KCNJ16: variants seen among roughly 807,000 people sequenced by gnomAD.
The protein encoded by KCNJ16 is inward rectifier potassium channel 16.
A neutral mutation model predicts 18.5 loss-of-function variants in KCNJ16; 15 were observed. The ratio of observed to expected loss-of-function variants is 0.81; its 90% confidence interval spans 0.54 to 1.25. The LOEUF (loss-of-function observed/expected upper bound fraction) is 1.25, where lower values mean the gene tolerates loss of function less well. Among genes scored for constraint, KCNJ16 ranks in the 50% most tolerant of loss-of-function variants. The pLI is 0.00. For synonymous variants in KCNJ16, 174 were observed against 186.5 expected (o/e 0.93, Z 0.55); for missense variants, 523 against 525.7 (o/e 0.99, Z 0.05).
chr17:70,122,091 C>T (rs1472152584), intron 2 of KCNJ16, among the ~76,000 whole-genome samples: 2 of 151,932 alleles, frequency 1.3e-5, no homozygotes, highest in Non-Finnish European at 2.9e-5. Context: ...TTAATATCTA[C>T]TTAGAAGTGA....
rs538074149 is a variant in KCNJ16 at position 70,085,097 on chromosome 17, T to C, written c.-300+9707T>C. On this transcript the variant is annotated intron_variant, in intron 1 of 3. Transcript: ENST00000392671. Reference sequence around the variant, plus strand: ...AATGACAGGTGAGCTCATCATCTTGTTAAAGGGTTTATTTCCACATCTCAA... The same window carrying C: ...AATGACAGGTGAGCTCATCATCTTGCTAAAGGGTTTATTTCCACATCTCAA... Among the ~76,000 whole-genome samples, 3 of 152,332 alleles carry C rather than the reference T, an allele frequency of 2.0e-5. No individual in the cohort carries two copies. In the East Asian group the frequency reaches 5.8e-4, roughly 29 times the overall value.
At chr17:70,092,099 G>T (rs1198209125) in intron 1 of KCNJ16, among the ~76,000 whole-genome samples, 1 of 152,244 alleles carries the variant, frequency 6.6e-6, no homozygotes, top group Non-Finnish European at 1.5e-5. Context: ...ATGAACCATA[G>T]CAAGTTCCTA....
At chr17:70,122,737 A>G (rs1286945046) in intron 2 of KCNJ16, among the ~76,000 whole-genome samples, 1 of 152,116 alleles carries the variant, frequency 6.6e-6, no homozygotes, top group Non-Finnish European at 1.5e-5. Flanking sequence ...CAACACCTAG[A>G]TGTACACCAC....
Position 70,132,337 on chromosome 17 carries a change from T to C in KCNJ16, c.250T>C (p.Ser84Pro). The C allele has an allele frequency of 6.2e-7, 1 of 1,614,218 alleles. No individual in the cohort carries two copies. The highest frequency in any genetic ancestry group is 8.5e-7 in the Non-Finnish European group (1 of 1,180,030). The change falls in exon 4 of 4, where the codon TCG (serine) becomes CCG (proline). Residue 84 changes from serine (S) to proline (P), a missense_variant. Physicochemically the swap from Ser to Pro is moderately conservative, Grantham distance 74 (BLOSUM62 -1). Transcript: ENST00000392671. ...FVIFSLSYIL[S>P]WLIFGSVFWL... ...GATATTTTCTTTATCTTATATTCTC[T>C]CGTGGTTGATATTTGGCTCTGTCTT...
intron 1 of KCNJ16, among the ~76,000 whole-genome samples, chr17:70,089,227 T>C (rs969429854): frequency 6.6e-6 from 1 of 152,186 alleles, no homozygotes; most frequent in Non-Finnish European, 1.5e-5. Context: ...CCAGGTACCA[T>C]GCCGTATGCT....
chr17:70,118,166 G>A (rs2073485359), intron 2 of KCNJ16, among the ~76,000 whole-genome samples: 1 of 151,934 alleles, frequency 6.6e-6, no homozygotes, highest in Non-Finnish European at 1.5e-5. Flanking sequence ...TCTGAGACTG[G>A]GTAATTTAAA....
chr17:70,133,376 A>G lies in KCNJ16; in HGVS notation c.*32A>G. ...ATTGCAATTATGAGGGCTACCACTG[A>G]ATCATTTTATCTTTCAGCCAATCAA... is the stretch of plus-strand genomic sequence containing the variant. On this transcript the variant is annotated 3_prime_UTR_variant, in exon 4 of 4. Transcript: ENST00000392671. The G allele has an allele frequency of 6.4e-7, 1 of 1,559,854 alleles. No homozygotes were observed. Among genetic ancestry groups the G allele is most frequent in the Non-Finnish European group, 8.7e-7 (1 of 1,146,976 alleles).
chr17:70,093,121 G>C (rs1356556369), intron 1 of KCNJ16, among the ~76,000 whole-genome samples: 1 of 152,202 alleles, frequency 6.6e-6, no homozygotes, highest in Non-Finnish European at 1.5e-5. Context: ...GGAAGAAATG[G>C]AAGAAAATCT....
At chr17:70,094,746 T>C (rs1442493963) in intron 1 of KCNJ16, among the ~76,000 whole-genome samples, 8 of 152,220 alleles carry the variant, frequency 5.3e-5, no homozygotes, top group African/African-American at 1.4e-4. Context: ...GGACGCTACA[T>C]AGAATTACAC....
At chr17:70,127,663 G>T (rs2073901477) in intron 2 of KCNJ16, among the ~76,000 whole-genome samples, 6 of 151,906 alleles carry the variant, frequency 3.9e-5, no homozygotes, top group East Asian at 1.9e-4. Context: ...CTCCACCTAA[G>T]CCTGTCTTCA....
chr17:70,124,463 A>G (rs2073776591), intron 2 of KCNJ16, among the ~76,000 whole-genome samples: 1 of 152,228 alleles, frequency 6.6e-6, no homozygotes, highest in Non-Finnish European at 1.5e-5. Context: ...GAATGAAAAT[A>G]ATTAGTAGCA....
In KCNJ16 at chr17:70,100,728, T is replaced by C. The variant is rs1165229838; in HGVS notation, c.-229T>C. 1 of 152,222 alleles carries C rather than the reference T, an allele frequency of 6.6e-6. No individual in the cohort carries two copies. Among genetic ancestry groups the C allele is most frequent in the African/African-American group, 2.4e-5 (1 of 41,450 alleles). 9.4% of individuals were successfully genotyped at this position (152,222 alleles called of 1,614,324 possible). ...TTCTAACTGGCAGACTGGCACTTTA[T>C]CTCAATTCTTAACTGCTGTGTTGCC... On this transcript the variant is annotated 5_prime_UTR_variant, in exon 2 of 4. Transcript: ENST00000392671.
chr17:70,096,031 C>T (rs901355698), intron 1 of KCNJ16, among the ~76,000 whole-genome samples: 2 of 151,452 alleles, frequency 1.3e-5, no homozygotes, highest in African/African-American at 4.9e-5. Context: ...TACAGGCGCC[C>T]ACCACCATGT....
intron 1 of KCNJ16, among the ~76,000 whole-genome samples, chr17:70,084,581 G>A (rs1330584673): frequency 2.0e-5 from 3 of 152,110 alleles, no homozygotes; most frequent in African/African-American, 4.8e-5. Flanking sequence ...ATTTTAATAA[G>A]TTTGAATTCT....
At chr17:70,090,646 G>GCACAATACCGCTAACCCACT (rs1268707889) in intron 1 of KCNJ16, among the ~76,000 whole-genome samples, 3 of 151,894 alleles carry the variant, frequency 2.0e-5, no homozygotes, top group Non-Finnish European at 4.4e-5. Flanking sequence ...ATGAAATAGT[G>GCACAATACCGCTAACCCACT]CACAATACCG....
intron 1 of KCNJ16, among the ~76,000 whole-genome samples, chr17:70,082,809 A>G (rs931934098): frequency 4.6e-5 from 7 of 152,146 alleles, no homozygotes; most frequent in African/African-American, 1.7e-4. Flanking sequence ...ATACTAGGAG[A>G]TAAGTAAGGT....
intron 2 of KCNJ16, chr17:70,101,809 T>C (rs1242618178): frequency 6.6e-6 from 1 of 152,170 alleles, no homozygotes; most frequent in Non-Finnish European, 1.5e-5. Context: ...GTATTAAGCA[T>C]TCACTGTACA....
In KCNJ16 at chr17:70,119,302, T is replaced by C. The variant is rs1276363029; in HGVS notation, c.-190-11577T>C. ...GTGCAAGGTAGAAGTTGCTGGTGGA[T>C]CTACTCTTCTGGTGTCTGGAGGATG... On this transcript the variant is annotated intron_variant, in intron 2 of 3. Transcript: ENST00000392671. 2.0e-5 allele frequency among the ~76,000 whole-genome samples: 3 copies of C among 152,200 alleles called. No individual in the cohort carries two copies. The South Asian group carries it at 6.2e-4, about 32-fold the overall frequency.
intron 1 of KCNJ16, among the ~76,000 whole-genome samples, chr17:70,084,300 C>T (rs965476036): frequency 1.1e-4 from 17 of 152,120 alleles, no homozygotes; most frequent in Admixed American, 8.5e-4. Context: ...ACATCTGACA[C>T]GTCCATTCAG....
Sources: allele counts gnomAD v4.1 joint callset (sites outside exome capture counted in the v4.1 genomes callset), GRCh38; gene constraint gnomAD v4.1.1; transcripts MANE v1.5; gene names NCBI Gene and HGNC (gene_info 2026-07-23, HGNC 2026-07-21).